DPH6: variants seen among roughly 807,000 people sequenced by gnomAD.
DPH6 encodes diphthine--ammonia ligase.
Under a neutral mutation model 38.2 loss-of-function variants are expected in DPH6, and 33 were observed. The observed-to-expected ratio is 0.86, with a 90% confidence interval of 0.65 to 1.15. The LOEUF is 1.15. DPH6 is among the 50% of genes most tolerant of loss of function. The probability of loss-of-function intolerance (pLI) is 0.00; values close to 1 mark genes in which losing one functional copy is unlikely to be tolerated. For missense variants in DPH6, 325 were observed against 320.0 expected (o/e 1.02, Z -0.12); for synonymous variants, 108 against 103.0 (o/e 1.05, Z -0.30).
intron 3 of DPH6, among the ~76,000 whole-genome samples, chr15:35,357,206 G>A (rs1307326543): frequency 6.6e-6 from 1 of 152,202 alleles, no homozygotes; most frequent in South Asian, 2.1e-4. Context: ...CTAGCAAAGG[G>A]AATTCCCTGA....
At chr15:35,386,138 G>A (rs1165891521) in intron 6 of DPH6, among the ~76,000 whole-genome samples, 2 of 152,040 alleles carry the variant, frequency 1.3e-5, no homozygotes, top group Non-Finnish European at 2.9e-5. Context: ...GAGAATGATG[G>A]TTTCCAGCTT....
intron 3 of DPH6, among the ~76,000 whole-genome samples, chr15:35,360,379 G>A (rs376601808): frequency 1.1e-4 from 17 of 152,272 alleles, no homozygotes; most frequent in African/African-American, 4.1e-4. Flanking sequence ...GGTTGGAGGT[G>A]GGTCACAAGA....
chr15:35,341,984 T>C (rs1489600788), intron 3 of DPH6, among the ~76,000 whole-genome samples: 1 of 152,184 alleles, frequency 6.6e-6, no homozygotes, highest in East Asian at 1.9e-4. Flanking sequence ...TGGACCAAAC[T>C]GCAGAGATGG....
intron 4 of DPH6, among the ~76,000 whole-genome samples, chr15:35,452,420 A>G (rs1211592964): frequency 2.0e-5 from 3 of 152,198 alleles, no homozygotes; most frequent in Non-Finnish European, 4.4e-5. Flanking sequence ...TATAAGGTTT[A>G]TAAGTAAAAC....
intron 3 of DPH6, among the ~76,000 whole-genome samples, chr15:35,357,697 C>T (rs757049676): frequency 5.3e-5 from 8 of 152,050 alleles, no homozygotes; most frequent in Admixed American, 2.6e-4. Flanking sequence ...TTGAGGAGAC[C>T]GAAGATATGG....
rs201301866 is a variant in DPH6 at position 35,239,798 on chromosome 15, C to T, written n.201-19216G>A. ...GTCCCGCTTTCCTAGGGGGCAAGAA[C>T]CCCCCAATCGCTTATTTCCACACCC... On this transcript the variant is annotated intron_variant and non_coding_transcript_variant, in intron 3 of 3. Coordinates refer to the DPH6 transcript ENST00000560386. 2.8e-5 allele frequency among the ~76,000 whole-genome samples: 4 copies of T among 140,638 alleles called. 1 individual carries two copies. The highest frequency in any genetic ancestry group is 5.2e-5 in the African/African-American group (2 of 38,816). 92.3% of individuals were successfully genotyped at this position (140,638 alleles called of 152,430 possible).
At chr15:35,372,914 A>C (rs974525947) in intron 8 of DPH6, among the ~76,000 whole-genome samples, 2 of 151,946 alleles carry the variant, frequency 1.3e-5, no homozygotes, top group African/African-American at 4.8e-5. Flanking sequence ...TATCATTTTT[A>C]TGGTAACTAA....
chr15:35,218,083 G>C (rs2140382321), exon 4 of DPH6: 1 of 152,164 alleles, frequency 6.6e-6, no homozygotes. Context: ...GTCCTCGGTT[G>C]AATCCACAGA....
chr15:35,256,899 T>C (rs1566852100), intron 3 of DPH6, among the ~76,000 whole-genome samples: 1 of 152,240 alleles, frequency 6.6e-6, no homozygotes, highest in Non-Finnish European at 1.5e-5. Context: ...GTTTTGACTT[T>C]ATCATTTCTG....
intron 5 of DPH6, among the ~76,000 whole-genome samples, chr15:35,417,543 T>C (rs977837927): frequency 3.3e-5 from 5 of 152,052 alleles, no homozygotes; most frequent in African/African-American, 9.7e-5. Context: ...CTGAGTTAAA[T>C]TTTAACACAA....
At chr15:35,417,102 T>G (rs912206596) in intron 5 of DPH6, among the ~76,000 whole-genome samples, 26 of 152,062 alleles carry the variant, frequency 1.7e-4, no homozygotes, top group African/African-American at 5.6e-4. Context: ...TAATTGTTTT[T>G]ATAAGTATAA....
intron 3 of DPH6, chr15:35,365,792 G>T (rs1224932686): frequency 1.0e-6 from 1 of 985,118 alleles, no homozygotes; most frequent in East Asian, 1.1e-4. Context: ...AAATGTGGGT[G>T]AAACTGATCC....
chr15:35,457,167 C>T (rs955179256), intron 3 of DPH6, among the ~76,000 whole-genome samples: 9 of 151,924 alleles, frequency 5.9e-5, no homozygotes, highest in African/African-American at 2.2e-4. Context: ...GTTGCCCAGG[C>T]TGGTCTCGAA....
intron 3 of DPH6, among the ~76,000 whole-genome samples, chr15:35,484,223 T>C (rs150663754): frequency 6.6e-6 from 1 of 152,258 alleles, no homozygotes; most frequent in African/African-American, 2.4e-5. Context: ...GGAACAAGTT[T>C]AGCAATATAT....
intron 3 of DPH6, among the ~76,000 whole-genome samples, chr15:35,338,227 C>A (rs1014487022): frequency 1.6e-4 from 24 of 151,998 alleles, no homozygotes; most frequent in Non-Finnish European, 2.9e-4. Flanking sequence ...AAGAAACTAC[C>A]ATCAGAGTGA....
intron 3 of DPH6, among the ~76,000 whole-genome samples, chr15:35,477,925 C>A (rs1306046419): frequency 2.6e-5 from 4 of 151,850 alleles, no homozygotes; most frequent in Non-Finnish European, 5.9e-5. Context: ...ATCAATTTCC[C>A]AAGCTACTGC....
At chr15:35,424,818 T>C (rs993327927) in intron 5 of DPH6, among the ~76,000 whole-genome samples, 2 of 151,716 alleles carry the variant, frequency 1.3e-5, no homozygotes, top group Non-Finnish European at 3.0e-5. Flanking sequence ...ACTATGAATA[T>C]ACCTAGGACT....
At chr15:35,304,014 T>A (rs1301064262) in intron 3 of DPH6, among the ~76,000 whole-genome samples, 2 of 152,110 alleles carry the variant, frequency 1.3e-5, no homozygotes, top group Non-Finnish European at 2.9e-5. Context: ...AGTACTATTG[T>A]TAAGAAAATA....
chr15:35,363,259 ATT>A (rs2052628784), intron 3 of DPH6, among the ~76,000 whole-genome samples: 1 of 152,188 alleles, frequency 6.6e-6, no homozygotes, highest in Non-Finnish European at 1.5e-5. Flanking sequence ...ATGACTACAA[ATT>A]TGTCATAAGG....
Sources: allele counts gnomAD v4.1 joint callset (sites outside exome capture counted in the v4.1 genomes callset), GRCh38; gene constraint gnomAD v4.1.1; transcripts MANE v1.5; gene names NCBI Gene and HGNC (gene_info 2026-07-23, HGNC 2026-07-21).